The following DSCAM variants were observed in gnomAD, a reference collection of about 807,000 sequenced individuals.
DSCAM encodes the protein cell adhesion molecule DSCAM.
DSCAM carries 47 observed loss-of-function variants against 217.7 expected under a neutral mutation model. That is an observed-to-expected ratio of 0.22 (90% CI 0.17 to 0.28). The LOEUF (loss-of-function observed/expected upper bound fraction) is 0.28. Ranked by LOEUF, DSCAM falls within the 10% of genes least tolerant of loss-of-function variation. The pLI, the probability that DSCAM is intolerant of heterozygous loss-of-function variation, is 1.00. For synonymous variants in DSCAM, 1,056 were observed against 1,015.3 expected, an observed-to-expected ratio of 1.04 and a Z score of -0.76; for missense variants, 2,080 against 2,618.3, an observed-to-expected ratio of 0.79 and a Z score of 4.49.
intron 3 of DSCAM, among the ~76,000 whole-genome samples, chr21:40,560,531 G>A (rs541835217): frequency 3.3e-5 from 5 of 152,302 alleles, no homozygotes; most frequent in South Asian, 4.1e-4. Flanking sequence ...TTAATACAGC[G>A]ACTCCTCGAC....
chr21:40,599,357 T>C (rs1358597250), intron 3 of DSCAM, among the ~76,000 whole-genome samples: 1 of 152,216 alleles, frequency 6.6e-6, no homozygotes, highest in African/African-American at 2.4e-5. Flanking sequence ...TTTATCCTAA[T>C]GCTCTCCCTC....
chr21:40,195,724 A>G (rs528827819), intron 11 of DSCAM, among the ~76,000 whole-genome samples: 7 of 152,298 alleles, frequency 4.6e-5, no homozygotes, highest in Admixed American at 3.9e-4. Flanking sequence ...AATGCCCAAG[A>G]TGGGAAACTG....
chr21:40,367,423 C>T (rs377577286), intron 4 of DSCAM, among the ~76,000 whole-genome samples: 7 of 152,220 alleles, frequency 4.6e-5, no homozygotes, highest in African/African-American at 1.7e-4. Context: ...GGGTCAAACA[C>T]CAACATGTTT....
intron 32 of DSCAM, among the ~76,000 whole-genome samples, chr21:40,025,105 C>T (rs2088351407): frequency 7.8e-6 from 1 of 128,496 alleles, no homozygotes; most frequent in Non-Finnish European, 1.7e-5. Flanking sequence ...TGTCAAAGGC[C>T]TTTTCTGCAT....
chr21:40,662,661 G>GCTAT (rs2090151085), intron 3 of DSCAM, among the ~76,000 whole-genome samples: 1 of 152,166 alleles, frequency 6.6e-6, no homozygotes, highest in African/African-American at 2.4e-5. Context: ...CCAACATGAT[G>GCTAT]CTATGGGAGG....
intron 20 of DSCAM, among the ~76,000 whole-genome samples, chr21:40,096,767 C>T (rs1383244603): frequency 6.6e-6 from 1 of 151,090 alleles, no homozygotes. Context: ...AGTTTCAGTG[C>T]TAGAGAGAAA....
chr21:40,548,694 G>A lies in DSCAM; in HGVS notation c.508+144116C>T, dbSNP rs74605417. On this transcript the variant is annotated intron_variant, in intron 3 of 32. Transcript: ENST00000400454. Reference sequence around the variant, plus strand: ...TTGCAAAATTGAATAGAATGTGTTTGAAAGGCCAGGGTCACAGCCTTTCTA... The same window carrying A: ...TTGCAAAATTGAATAGAATGTGTTTAAAAGGCCAGGGTCACAGCCTTTCTA... Among the ~76,000 whole-genome samples, 1,464 of 151,978 alleles carry A rather than the reference G, an allele frequency of 9.6e-3. 23 individuals carry two copies. The highest frequency in any genetic ancestry group is 0.034 in the African/African-American group (1,404 of 41,426).
chr21:40,558,292 A>C (rs1231752141), intron 3 of DSCAM, among the ~76,000 whole-genome samples: 1 of 134,982 alleles, frequency 7.4e-6, no homozygotes, highest in Non-Finnish European at 1.7e-5. Context: ...TAAAAAATAC[A>C]AAAAAATTAG....
intron 18 of DSCAM, 125 bp from the exon 19 acceptor site, chr21:40,134,134 A>C: frequency 8.2e-7 from 1 of 1,217,114 alleles, no homozygotes; most frequent in Non-Finnish European, 1.1e-6. Flanking sequence ...TCTGGACACG[A>C]GAATTCTCAA....
intron 1 of DSCAM, among the ~76,000 whole-genome samples, chr21:40,790,660 A>T (rs7281546): frequency 0.21 from 32,426 of 151,974 alleles, 4,575 homozygotes; most frequent in African/African-American, 0.41. Flanking sequence ...GCACATGTGT[A>T]TGTGAGTGTG....
chr21:40,769,446 A>C (rs1342881123), intron 1 of DSCAM, among the ~76,000 whole-genome samples: 1 of 152,164 alleles, frequency 6.6e-6, no homozygotes, highest in Non-Finnish European at 1.5e-5. Context: ...GTGGAGAAGT[A>C]GATGAGGCCT....
At chr21:40,108,101 C>G (rs148121049) in intron 20 of DSCAM, among the ~76,000 whole-genome samples, 1,626 of 152,292 alleles carry the variant, frequency 0.011, 21 homozygotes, top group Middle Eastern at 0.024. Context: ...AAAACTGGCA[C>G]AAGACAAGGA....
intron 1 of DSCAM, among the ~76,000 whole-genome samples, chr21:40,763,015 C>T (rs2146588388): frequency 6.6e-6 from 1 of 152,254 alleles, no homozygotes; most frequent in African/African-American, 2.4e-5. Context: ...TGGAAGCGTT[C>T]CCTTTGAAAA....
intron 3 of DSCAM, among the ~76,000 whole-genome samples, chr21:40,637,865 G>A (rs34651383): frequency 0.092 from 13,868 of 150,646 alleles, 742 homozygotes; most frequent in Middle Eastern, 0.17. Flanking sequence ...AAAAAACCCC[G>A]TAGAGATGGG....
intron 3 of DSCAM, among the ~76,000 whole-genome samples, chr21:40,595,956 G>A: frequency 6.6e-6 from 1 of 152,204 alleles, no homozygotes; most frequent in East Asian, 1.9e-4. Flanking sequence ...TGGCCTCTGT[G>A]CTCTGTGTGA....
chr21:40,377,208 A>AT (rs1376195700), intron 3 of DSCAM, among the ~76,000 whole-genome samples: 1 of 152,150 alleles, frequency 6.6e-6, no homozygotes, highest in African/African-American at 2.4e-5. Context: ...TGTTATTCCC[A>AT]TTTTTCAGAT....
intron 12 of DSCAM, among the ~76,000 whole-genome samples, chr21:40,188,298 G>A (rs1225894327): frequency 6.6e-6 from 1 of 152,192 alleles, no homozygotes; most frequent in Non-Finnish European, 1.5e-5. Context: ...TATATAAGAT[G>A]TCGTGGTCAG....
At chr21:40,760,668 C>A (rs1371932423) in intron 1 of DSCAM, among the ~76,000 whole-genome samples, 2 of 152,222 alleles carry the variant, frequency 1.3e-5, no homozygotes, top group African/African-American at 2.4e-5. Context: ...GGTAGAGGAA[C>A]CTTGCTTTCC....
chr21:40,109,134 C>A (rs2089861669), intron 20 of DSCAM, among the ~76,000 whole-genome samples: 1 of 152,132 alleles, frequency 6.6e-6, no homozygotes, highest in African/African-American at 2.4e-5. Context: ...TTCGCAACAA[C>A]AACAAAAATG....
Sources: gnomAD v4.1 joint callset for allele counts (sites outside exome capture counted in the v4.1 genomes callset) on GRCh38, gnomAD v4.1.1 for gene constraint, MANE v1.5 for transcripts, NCBI Gene and HGNC (gene_info 2026-07-23, HGNC 2026-07-21) for gene names.